Variants in LIN7A observed in about 807,000 individuals in gnomAD.
The protein encoded by LIN7A is protein lin-7 homolog A.
Under a neutral mutation model 29.8 loss-of-function variants are expected in LIN7A, and 25 were observed. The observed-to-expected ratio is 0.84, with a 90% CI of 0.61 to 1.17. The LOEUF (loss-of-function observed/expected upper bound fraction) is 1.17. LIN7A is among the 50% of genes most tolerant of loss of function. The pLI is 0.00. For missense variants in LIN7A, 239 were observed against 287.0 expected (o/e 0.83, Z 1.21); for synonymous variants, 118 against 107.5 (o/e 1.10, Z -0.60).
intron 4 of LIN7A, among the ~76,000 whole-genome samples, chr12:80,825,024 C>T (rs1459466803): frequency 6.6e-6 from 1 of 152,132 alleles, no homozygotes; most frequent in Non-Finnish European, 1.5e-5. Context: ...AGCAATCAAA[C>T]GAGAAAGAAA....
intron 2 of LIN7A, among the ~76,000 whole-genome samples, chr12:80,848,639 A>G (rs1873189023): frequency 6.6e-6 from 1 of 152,146 alleles, no homozygotes; most frequent in Admixed American, 6.5e-5. Context: ...TACAGAAAAA[A>G]AAAAACTTAA....
chr12:80,867,225 A>G (rs1874187646), intron 2 of LIN7A, among the ~76,000 whole-genome samples: 1 of 152,066 alleles, frequency 6.6e-6, no homozygotes, highest in Admixed American at 6.5e-5. Context: ...GGGATTATAG[A>G]TGGGAGCCAC....
At chr12:80,862,112 A>T (rs1457548910) in intron 2 of LIN7A, among the ~76,000 whole-genome samples, 1 of 152,236 alleles carries the variant, frequency 6.6e-6, no homozygotes, top group Non-Finnish European at 1.5e-5. Context: ...CTTACCAGAT[A>T]GTTGAGGTTA....
intron 2 of LIN7A, among the ~76,000 whole-genome samples, chr12:80,869,138 AT>A (rs1874294667): frequency 8.1e-6 from 1 of 123,104 alleles, no homozygotes; most frequent in African/African-American, 4.3e-5. Context: ...TATCTAATAA[AT>A]AAATAAATAA....
intron 1 of LIN7A, among the ~76,000 whole-genome samples, chr12:80,893,103 A>G (rs80122723): frequency 6.6e-6 from 1 of 152,192 alleles, no homozygotes; most frequent in Admixed American, 6.6e-5. Context: ...GAGAGAGAAA[A>G]GTGAATGAAA....
At chr12:80,922,260 A>G (rs746337501) in intron 1 of LIN7A, among the ~76,000 whole-genome samples, 6 of 152,214 alleles carry the variant, frequency 3.9e-5, no homozygotes, top group Non-Finnish European at 8.8e-5. Context: ...TATTTTAATG[A>G]TGTTGGATAA....
intron 1 of LIN7A, among the ~76,000 whole-genome samples, chr12:80,912,026 G>T (rs1455896699): frequency 6.6e-6 from 1 of 151,746 alleles, no homozygotes; most frequent in Non-Finnish European, 1.5e-5. Flanking sequence ...TAACAGATAA[G>T]AAAAAATTTA....
chr12:80,905,839 T>C (rs1876449820), intron 1 of LIN7A, among the ~76,000 whole-genome samples: 1 of 152,182 alleles, frequency 6.6e-6, no homozygotes, highest in South Asian at 2.1e-4. Flanking sequence ...TCTATTTCTT[T>C]ATTTTCAAAC....
intron 1 of LIN7A, among the ~76,000 whole-genome samples, chr12:80,936,071 T>C (rs1022694653): frequency 2.0e-5 from 3 of 152,214 alleles, no homozygotes; most frequent in Non-Finnish European, 2.9e-5. Context: ...GCTCATTACA[T>C]TAAAACATAA....
At chr12:80,844,009 A>G (rs1315509785) in intron 4 of LIN7A, among the ~76,000 whole-genome samples, 4 of 151,736 alleles carry the variant, frequency 2.6e-5, no homozygotes, top group Non-Finnish European at 5.9e-5. Flanking sequence ...TTACACAATT[A>G]TAATTACTGT....
chr12:80,815,737 G>C (rs1345320071), intron 4 of LIN7A, among the ~76,000 whole-genome samples: 1 of 152,132 alleles, frequency 6.6e-6, no homozygotes, highest in East Asian at 1.9e-4. Flanking sequence ...CCATTTAAAA[G>C]CTGAAATTCT....
At chr12:80,890,516 A>G (rs1426754932) in intron 1 of LIN7A, among the ~76,000 whole-genome samples, 1 of 152,188 alleles carries the variant, frequency 6.6e-6, no homozygotes. Flanking sequence ...ATAATAGCAC[A>G]GCCACCTTCA....
chr12:80,843,188 C>T (rs916075662), intron 4 of LIN7A, among the ~76,000 whole-genome samples: 3 of 152,164 alleles, frequency 2.0e-5, no homozygotes, highest in Non-Finnish European at 4.4e-5. Flanking sequence ...ATATTACAAT[C>T]TTGGAGACAT....
At chr12:80,851,827 C>G (rs1873350321) in intron 2 of LIN7A, among the ~76,000 whole-genome samples, 1 of 152,030 alleles carries the variant, frequency 6.6e-6, no homozygotes, top group Admixed American at 6.6e-5. Flanking sequence ...TTCATAGAAA[C>G]TCATAGGGGT....
chr12:80,886,953 C>A (rs1875360048), intron 2 of LIN7A, among the ~76,000 whole-genome samples: 1 of 152,074 alleles, frequency 6.6e-6, no homozygotes. Flanking sequence ...ACTTCTCCCC[C>A]AGCCTTCAGA....
intron 1 of LIN7A, among the ~76,000 whole-genome samples, chr12:80,923,701 T>C (rs1360233162): frequency 6.6e-6 from 1 of 152,180 alleles, no homozygotes; most frequent in African/African-American, 2.4e-5. Context: ...TGTGCCTCAA[T>C]TGTTCCTTGC....
intron 5 of LIN7A, among the ~76,000 whole-genome samples, chr12:80,807,071 T>TTTGTTG (rs1555221346): frequency 8.9e-6 from 1 of 111,868 alleles, no homozygotes; most frequent in Non-Finnish European, 1.8e-5. Flanking sequence ...GAGTTTTTTT[T>TTTGTTG]TTTTTTTTTT....
Position 80,848,264 on chromosome 12 carries a change from C to T in LIN7A, c.260G>A (p.Arg87Lys). Reference sequence around the variant, plus strand: ...CTCAAGCCTTACCTTTGCTGTTGCCCTCGCACGGAATTCGGGACAGCCATT... The same window carrying T: ...CTCAAGCCTTACCTTTGCTGTTGCCTTCGCACGGAATTCGGGACAGCCATT... ...TVNGCPEFRARATAKATVAAF... is the reference protein window; with the variant it reads ...TVNGCPEFRAKATAKATVAAF... Residue 87 changes from arginine (R) to lysine (K), a missense_variant, in exon 3 of 6, where the codon AGG (arginine) becomes AAG (lysine). By Grantham distance (26) the Arg-to-Lys change is conservative. Transcript: ENST00000552864. 1.2e-6 allele frequency: 2 copies of T among 1,612,984 alleles called. No homozygotes were observed. The highest frequency in any genetic ancestry group is 1.7e-6 in the Non-Finnish European group (2 of 1,179,148).
intron 3 of LIN7A, among the ~76,000 whole-genome samples, chr12:80,847,329 A>C (rs1379997293): frequency 6.6e-6 from 1 of 152,218 alleles, no homozygotes; most frequent in African/African-American, 2.4e-5. Context: ...AAAGCATGAC[A>C]TGATGATAAT....
Sources: allele counts gnomAD v4.1 joint callset (sites outside exome capture counted in the v4.1 genomes callset), GRCh38; gene constraint gnomAD v4.1.1; transcripts MANE v1.5; gene names NCBI Gene and HGNC (gene_info 2026-07-23, HGNC 2026-07-21).